The following FAM107B variants were observed in gnomAD, a reference collection of about 807,000 sequenced individuals.
FAM107B encodes the protein protein FAM107B.
FAM107B carries 21 observed loss-of-function variants against 31.5 expected under a neutral mutation model. The ratio of observed to expected loss-of-function variants is 0.67; its 90% CI spans 0.47 to 0.96. The LOEUF (loss-of-function observed/expected upper bound fraction) is 0.96, where lower values mean the gene tolerates loss of function less well. FAM107B is among the 40% of genes least tolerant of loss of function. FAM107B has a pLI of 0.00. For synonymous variants in FAM107B, 157 were observed against 141.5 expected (o/e 1.11, Z -0.78); for missense variants, 452 against 377.1 (o/e 1.20, Z -1.64).
chr10:14,624,184 A>G (rs1853093174), intron 2 of FAM107B, among the ~76,000 whole-genome samples: 1 of 152,198 alleles, frequency 6.6e-6, no homozygotes, highest in African/African-American at 2.4e-5. Flanking sequence ...TTTGAAAGAG[A>G]TCTATTAACT....
At chr10:14,596,569 G>A (rs1852195438) in intron 2 of FAM107B, among the ~76,000 whole-genome samples, 1 of 152,126 alleles carries the variant, frequency 6.6e-6, no homozygotes, top group Admixed American at 6.5e-5. Flanking sequence ...AATATTACCA[G>A]TATTATTACT....
At chr10:14,674,554 T>C (rs79196818) in intron 1 of FAM107B, among the ~76,000 whole-genome samples, 5,180 of 152,260 alleles carry the variant, frequency 0.034, 282 homozygotes, top group African/African-American at 0.12. Flanking sequence ...AGAATGCAGT[T>C]CCTTAGGTGG....
chr10:14,695,748 A>G (rs1282092159), intron 1 of FAM107B, among the ~76,000 whole-genome samples: 1 of 152,234 alleles, frequency 6.6e-6, no homozygotes. Context: ...GTTATCATAG[A>G]AAAGATTGTT....
chr10:14,748,890 G>T (rs929676286), intron 1 of FAM107B, among the ~76,000 whole-genome samples: 24 of 152,176 alleles, frequency 1.6e-4, no homozygotes, highest in East Asian at 5.8e-4. Flanking sequence ...GGCCCTCAAG[G>T]CCTGAGCAAC....
intron 1 of FAM107B, among the ~76,000 whole-genome samples, chr10:14,722,926 T>C (rs1230481256): frequency 6.6e-6 from 1 of 152,240 alleles, no homozygotes; most frequent in Non-Finnish European, 1.5e-5. Context: ...TATGTTTTCT[T>C]CTAAGATTGT....
At chr10:14,650,210 GT>G (rs58066871) in intron 2 of FAM107B, among the ~76,000 whole-genome samples, 16,752 of 148,146 alleles carry the variant, frequency 0.11, 985 homozygotes, top group South Asian at 0.18. Context: ...TTCGCATACA[GT>G]TTTTTTTTTT....
chr10:14,667,751 A>C lies in FAM107B; in HGVS notation c.412-60T>G, dbSNP rs544805042. On this transcript the variant is annotated intron_variant, in intron 1 of 4. Transcript: ENST00000181796. Reference sequence around the variant, plus strand: ...AGAAAGTAAAAATATGCATTAATGTAAGGCAATACTTTTTGCAAGCCTACT... The same window carrying C: ...AGAAAGTAAAAATATGCATTAATGTCAGGCAATACTTTTTGCAAGCCTACT... The C allele has an allele frequency of 1.9e-6, 3 of 1,561,340 alleles. No individual in the cohort carries two copies. In the Admixed American group the frequency reaches 5.1e-5, roughly 27 times the overall value.
chr10:14,646,189 T>G (rs1217014721), intron 2 of FAM107B, among the ~76,000 whole-genome samples: 3 of 152,046 alleles, frequency 2.0e-5, no homozygotes, highest in African/African-American at 7.2e-5. Flanking sequence ...TAAAAAAATG[T>G]TTTTTTTATT....
At chr10:14,666,845 G>A (rs753947444) in intron 2 of FAM107B, among the ~76,000 whole-genome samples, 10 of 152,134 alleles carry the variant, frequency 6.6e-5, no homozygotes, top group Non-Finnish European at 7.3e-5. Flanking sequence ...AGAGTAGGGT[G>A]CTACTTTTCC....
chr10:14,696,644 G>T, intron 1 of FAM107B, among the ~76,000 whole-genome samples: 1 of 152,140 alleles, frequency 6.6e-6, no homozygotes, highest in Admixed American at 6.5e-5. Context: ...GATTTTCTTT[G>T]TTGGGAGGTT....
At chr10:14,630,363 T>C (rs1853323060) in intron 2 of FAM107B, among the ~76,000 whole-genome samples, 1 of 150,200 alleles carries the variant, frequency 6.7e-6, no homozygotes, top group African/African-American at 2.5e-5. Flanking sequence ...TAGCAAAATA[T>C]AGAATTGCCT....
intron 1 of FAM107B, among the ~76,000 whole-genome samples, chr10:14,734,658 A>G (rs1856256879): frequency 6.6e-6 from 1 of 152,120 alleles, no homozygotes; most frequent in Non-Finnish European, 1.5e-5. Flanking sequence ...TCCAGAACTT[A>G]GGGCACACCT....
intron 1 of FAM107B, among the ~76,000 whole-genome samples, chr10:14,669,861 A>T: frequency 6.6e-6 from 1 of 152,248 alleles, no homozygotes; most frequent in East Asian, 1.9e-4. Flanking sequence ...TAATGTTCAT[A>T]GCAGAGCAAG....
chr10:14,625,225 G>GAAAA (rs36086660), intron 2 of FAM107B, among the ~76,000 whole-genome samples: 1 of 117,718 alleles, frequency 8.5e-6, no homozygotes, highest in Non-Finnish European at 1.8e-5. Flanking sequence ...GACTGTCTCA[G>GAAAA]AAAAAAAAAA....
chr10:14,548,412 A>T (rs1037963922), intron 2 of FAM107B: 1 of 985,530 alleles, frequency 1.0e-6, no homozygotes. Flanking sequence ...CAGGTCTGTG[A>T]GGGTGCGTGG....
At chr10:14,531,872 A>G (rs528847090) in intron 2 of FAM107B, among the ~76,000 whole-genome samples, 2 of 152,236 alleles carry the variant, frequency 1.3e-5, no homozygotes, top group East Asian at 3.9e-4. Context: ...AATGAAACGT[A>G]TATATATTGC....
chr10:14,530,495 C>A lies in FAM107B; in HGVS notation c.490G>T (p.Asp164Tyr). The A allele has an allele frequency of 6.2e-7, 1 of 1,613,028 alleles. No homozygotes were observed. Among genetic ancestry groups the A allele is most frequent in the South Asian group, 1.1e-5 (1 of 90,742 alleles). The stretch of plus-strand genomic sequence containing the variant: ...GTAATGAGATATGAGTCCTTATGGT[C>A]AATATCCTCAGGTGGGCTGTCTGAA... Reference protein sequence around the residue: ...MTSDSPPEDIDHKDSYLITRS... With the variant: ...MTSDSPPEDIYHKDSYLITRS... Residue 164 changes from aspartate to tyrosine, a missense_variant, in exon 3 of 5, where the codon GAC (aspartate) becomes TAC (tyrosine). Physicochemically the swap from Asp to Tyr is radical, Grantham distance 160 (BLOSUM62 -3). Transcript: ENST00000181796.
intron 2 of FAM107B, among the ~76,000 whole-genome samples, chr10:14,648,869 A>G (rs1411721631): frequency 6.6e-6 from 1 of 152,248 alleles, no homozygotes; most frequent in Admixed American, 6.5e-5. Context: ...CATGGATGCT[A>G]TGATAGAGAT....
At chr10:14,706,766 A>G (rs1281625994) in intron 1 of FAM107B, among the ~76,000 whole-genome samples, 10 of 152,156 alleles carry the variant, frequency 6.6e-5, no homozygotes, top group Non-Finnish European at 1.3e-4. Context: ...GATATTGCCA[A>G]TAAAACTGTC....
Sources: gnomAD v4.1 joint callset for allele counts (sites outside exome capture counted in the v4.1 genomes callset) on GRCh38, gnomAD v4.1.1 for gene constraint, MANE v1.5 for transcripts, NCBI Gene and HGNC (gene_info 2026-07-23, HGNC 2026-07-21) for gene names.